PDE4D: variants seen among roughly 807,000 people sequenced by gnomAD.
PDE4D encodes the protein phosphodiesterase 4D, also known as 3',5'-cyclic-AMP phosphodiesterase 4D.
Under a neutral mutation model 87.4 loss-of-function variants are expected in PDE4D, and 24 were observed. The observed-to-expected ratio is 0.27, with a 90% CI of 0.20 to 0.39. The LOEUF (loss-of-function observed/expected upper bound fraction) is 0.39, where lower values mean the gene tolerates loss of function less well. Ranked by LOEUF, PDE4D falls within the 10% of genes least tolerant of loss-of-function variation. The pLI is 1.00. For missense variants in PDE4D, 714 were observed against 1,041.0 expected, an observed-to-expected ratio of 0.69 and a Z score of 4.32; for synonymous variants, 384 against 383.2, an observed-to-expected ratio of 1.00 and a Z score of -0.02.
At chr5:59,851,675 G>T (rs1744687658) in intron 1 of PDE4D, among the ~76,000 whole-genome samples, 2 of 152,014 alleles carry the variant, frequency 1.3e-5, no homozygotes, top group Admixed American at 1.3e-4. Flanking sequence ...CTTTAAATCT[G>T]GGTTTAGAGG....
At chr5:60,258,105 A>C (rs1295483875) in intron 1 of PDE4D, among the ~76,000 whole-genome samples, 1 of 151,902 alleles carries the variant, frequency 6.6e-6, no homozygotes, top group Non-Finnish European at 1.5e-5. Context: ...CTGTTTAGTA[A>C]CTCAGCTCCC....
chr5:59,348,565 T>C (rs892896892), intron 1 of PDE4D, among the ~76,000 whole-genome samples: 8 of 151,812 alleles, frequency 5.3e-5, no homozygotes, highest in African/African-American at 1.9e-4. Context: ...TTTGTTTTTA[T>C]AGAGTTTATT....
intron 1 of PDE4D, among the ~76,000 whole-genome samples, chr5:59,757,679 C>G (rs1240942486): frequency 6.6e-6 from 1 of 152,186 alleles, no homozygotes; most frequent in Non-Finnish European, 1.5e-5. Flanking sequence ...TCATTCCCAG[C>G]TGGCTCTTCC....
chr5:59,831,489 G>A (rs1741238041), intron 1 of PDE4D, among the ~76,000 whole-genome samples: 2 of 152,036 alleles, frequency 1.3e-5, no homozygotes, highest in African/African-American at 2.4e-5. Flanking sequence ...CAGGCTCCAT[G>A]CCAGGAGTTT....
At chr5:59,642,577 C>T (rs899930562) in intron 1 of PDE4D, among the ~76,000 whole-genome samples, 4 of 152,128 alleles carry the variant, frequency 2.6e-5, no homozygotes, top group African/African-American at 9.7e-5. Context: ...TTGCATCTTC[C>T]TCATTTTTTC....
intron 1 of PDE4D, among the ~76,000 whole-genome samples, chr5:59,407,580 A>C (rs1258966408): frequency 6.6e-6 from 1 of 152,224 alleles, no homozygotes; most frequent in Non-Finnish European, 1.5e-5. Context: ...GGAGATGAGG[A>C]AAAGTTTGAA....
chr5:59,448,426 G>A (rs1470433844), intron 1 of PDE4D, among the ~76,000 whole-genome samples: 2 of 152,120 alleles, frequency 1.3e-5, no homozygotes, highest in Non-Finnish European at 2.9e-5. Flanking sequence ...AGGTTGAGCT[G>A]GCAATGAAGT....
chr5:59,740,521 C>T (rs980766659), intron 1 of PDE4D, among the ~76,000 whole-genome samples: 3 of 152,128 alleles, frequency 2.0e-5, no homozygotes, highest in Admixed American at 2.0e-4. Context: ...AATTCATAGG[C>T]AGTTTGCTTT....
intron 1 of PDE4D, among the ~76,000 whole-genome samples, chr5:59,577,085 C>G (rs150064546): frequency 1.3e-5 from 2 of 152,050 alleles, no homozygotes; most frequent in South Asian, 4.2e-4. Flanking sequence ...AGATTGAGGA[C>G]TTCATATCAT....
chr5:59,661,052 G>T (rs567743057), intron 1 of PDE4D, among the ~76,000 whole-genome samples: 1 of 138,256 alleles, frequency 7.2e-6, no homozygotes, highest in African/African-American at 2.8e-5. Context: ...CAGTTTGCCA[G>T]CACTGCATTT....
At chr5:59,517,226 A>G (rs757389853) in intron 1 of PDE4D, among the ~76,000 whole-genome samples, 15 of 152,234 alleles carry the variant, frequency 9.9e-5, no homozygotes, top group Non-Finnish European at 1.8e-4. Flanking sequence ...CAGGGCATCT[A>G]ACCCCCATTT....
At chr5:59,265,420 G>A (rs1388694719) in intron 1 of PDE4D, among the ~76,000 whole-genome samples, 1 of 151,876 alleles carries the variant, frequency 6.6e-6, no homozygotes, top group Non-Finnish European at 1.5e-5. Context: ...GGAATACCTA[G>A]CTCTATATAA....
intron 1 of PDE4D, among the ~76,000 whole-genome samples, chr5:60,481,668 T>G (rs1748740351): frequency 6.6e-6 from 1 of 152,170 alleles, no homozygotes; most frequent in Non-Finnish European, 1.5e-5. Flanking sequence ...TCCCCACCTT[T>G]TTATAAAACT....
intron 1 of PDE4D, among the ~76,000 whole-genome samples, chr5:60,335,694 T>G (rs1757697421): frequency 6.6e-6 from 1 of 152,076 alleles, no homozygotes; most frequent in South Asian, 2.1e-4. Flanking sequence ...GATGTGGCCT[T>G]GAGCTGTTAG....
intron 6 of PDE4D, among the ~76,000 whole-genome samples, chr5:59,033,097 A>G (rs758356356): frequency 2.6e-5 from 4 of 152,170 alleles, no homozygotes; most frequent in Non-Finnish European, 5.9e-5. Flanking sequence ...TCTGAATACT[A>G]AATAATAATA....
chr5:59,988,521 G>T, exon 3 of PDE4D: 1 of 1,598,862 alleles, frequency 6.3e-7, no homozygotes, highest in African/African-American at 1.3e-5. Context: ...AGCAATCAGC[G>T]GCAGAATCTT....
intron 6 of PDE4D, among the ~76,000 whole-genome samples, chr5:59,024,644 AATTAAGATTTAGGCCCAAAC>A (rs1396016419): frequency 6.6e-6 from 1 of 152,142 alleles, no homozygotes; most frequent in Non-Finnish European, 1.5e-5. Context: ...TAGATAGAAA[AATTAAGATTTAGGCCCAAAC>A]ATTATCTTCT....
At chr5:59,128,015 CGTGTGTGTGTGTGTGT>C (rs55796726) in intron 5 of PDE4D, among the ~76,000 whole-genome samples, 1,774 of 144,382 alleles carry the variant, frequency 0.012, 27 homozygotes, top group African/African-American at 0.043. Flanking sequence ...CTTTCAGAGC[CGTGTGTGTGTGTGTGT>C]GTGTGTGTGT....
chr5:59,832,281 C>G (rs903067598), intron 1 of PDE4D, among the ~76,000 whole-genome samples: 1 of 152,022 alleles, frequency 6.6e-6, no homozygotes, highest in Non-Finnish European at 1.5e-5. Flanking sequence ...TTTGATTCTG[C>G]CAGACCTCTA....
Sources: allele counts gnomAD v4.1 joint callset (sites outside exome capture counted in the v4.1 genomes callset), GRCh38; gene constraint gnomAD v4.1.1; transcripts MANE v1.5; gene names NCBI Gene and HGNC (gene_info 2026-07-23, HGNC 2026-07-21).